ADGRG4: variants seen among roughly 807,000 people sequenced by gnomAD.
The protein encoded by ADGRG4 is adhesion G protein-coupled receptor G4, also known as G protein-coupled receptor 112.
A neutral mutation model predicts 126.2 loss-of-function variants in ADGRG4; 122 were observed. The observed-to-expected ratio is 0.97, with a 90% CI of 0.83 to 1.12. The LOEUF is 1.12. Among genes scored for constraint, ADGRG4 ranks in the 50% most tolerant of loss-of-function variants. ADGRG4 has a pLI of 0.00. For missense variants in ADGRG4, 2,481 were observed against 2,251.8 expected (o/e 1.10, Z -2.06); for synonymous variants, 943 against 838.7 (o/e 1.12, Z -2.15).
At chrX:136,353,456 C>G in intron 8 of ADGRG4, 55 bp downstream of exon 8, 13 of 791,158 alleles carry the variant, frequency 1.6e-5, no homozygotes, top group Non-Finnish European at 2.3e-5. Context: ...CATTTTGGGT[C>G]TGTTCCTATC....
At chrX:136,304,445 T>C (rs190500824) in intron 2 of ADGRG4, among the ~76,000 whole-genome samples, 237 of 112,496 alleles carry the variant, frequency 2.1e-3, no homozygotes, top group Non-Finnish European at 3.6e-3. Flanking sequence ...GAAGCAACTA[T>C]TCTTACCAGG....
chrX:136,413,746 GT>G (rs1361897301), intron 24 of ADGRG4, among the ~76,000 whole-genome samples: 25 of 20,326 alleles, frequency 1.2e-3, no homozygotes, highest in African/African-American at 6.3e-3. Context: ...TTTTGTTTTT[GT>G]TTTTTTTTTT....
chrX:136,371,441 G>T lies in ADGRG4; in HGVS notation c.7510G>T (p.Asp2504Tyr). The T allele has an allele frequency of 8.4e-7, 1 of 1,189,507 alleles. No individual in the cohort carries two copies. ...VSKISDISQC[D>Y]EISMNLTHVM... The stretch of plus-strand genomic sequence containing the variant: ...TAAAATATCAGATATTTCACAATGT[G>T]ATGAGATAAGTATGAACCTAACTCA... Residue 2504 changes from aspartate to tyrosine, a missense_variant, in exon 14 of 26, where the codon GAT becomes TAT. Transcript: ENST00000394143.
rs761730115 is a variant in ADGRG4, at chrX:136,371,453, A to G, written c.7522A>G (p.Met2508Val). 2.5e-6 allele frequency: 3 copies of G among 1,193,213 alleles called. No individual in the cohort carries two copies. The South Asian group carries it at 5.5e-5, about 22-fold the overall frequency. Residue 2508 changes from methionine to valine, a missense_variant, in exon 14 of 26, where the codon ATG becomes GTG. Physicochemically the swap from Met to Val is conservative, Grantham distance 21 (BLOSUM62 1). Transcript: ENST00000394143. ...SDISQCDEIS[M>V]NLTHVMLQII... The stretch of plus-strand genomic sequence containing the variant: ...TATTTCACAATGTGATGAGATAAGT[A>G]TGAACCTAACTCATGTTATGTTACA...
intron 5 of ADGRG4, among the ~76,000 whole-genome samples, chrX:136,334,106 TTC>T (rs376402226): frequency 1.0e-3 from 37 of 36,926 alleles, no homozygotes; most frequent in African/African-American, 1.3e-3. Flanking sequence ...CTTTCTTTCT[TTC>T]TTTCTTTCTT....
intron 15 of ADGRG4, among the ~76,000 whole-genome samples, chrX:136,383,814 CTTT>C (rs2075276180): frequency 4.9e-5 from 1 of 20,500 alleles, no homozygotes; most frequent in Non-Finnish European, 8.9e-5. Context: ...ATATATTTGC[CTTT>C]CTTTCTTTCT....
intron 11 of ADGRG4, among the ~76,000 whole-genome samples, chrX:136,360,381 G>A (rs922660226): frequency 2.7e-5 from 3 of 110,964 alleles, no homozygotes; most frequent in African/African-American, 9.8e-5. Flanking sequence ...ATCTCCCTTC[G>A]TGTGACAGCA....
At position 136,346,245 on chromosome X, in the gene ADGRG4, C is replaced by T. The variant is rs1216127515; in HGVS notation, c.2539C>T (p.His847Tyr). 9.9e-6 allele frequency: 12 copies of T among 1,208,322 alleles called. No individual in the cohort carries two copies. Among genetic ancestry groups the T allele is most frequent in the Non-Finnish European group, 1.3e-5 (12 of 894,123 alleles). The part of the protein sequence containing the change: ...ATVTRKEATS[H>Y]YLMRKSTIAA... ...TGTGACAAGAAAAGAAGCAACTTCC[C>T]ATTATCTTATGAGAAAATCAACTAT... is the stretch of plus-strand genomic sequence containing the variant. The change falls in exon 6 of 26, where the codon CAT (histidine) becomes TAT (tyrosine). Residue 847 changes from histidine (H) to tyrosine (Y), a missense_variant. His to Tyr is a moderately conservative substitution (Grantham distance 83). Coordinates refer to ENST00000394143, the MANE Select transcript of ADGRG4 (RefSeq NM_153834.4).
At position 136,348,928 on chromosome X, in the gene ADGRG4, A is replaced by G; in HGVS notation, c.5222A>G (p.Tyr1741Cys). Reference protein sequence around the residue: ...SGTGVALTDTYSRITVPENML... With the variant: ...SGTGVALTDTCSRITVPENML... ...ACAGGGGTAGCTCTCACAGATACTT[A>G]TTCCAGAATCACTGTTCCTGAAAAT... Residue 1741 changes from tyrosine (Y) to cysteine (C), a missense_variant, in exon 6 of 26, where the codon TAT (tyrosine) becomes TGT (cysteine). Transcript: ENST00000394143. The G allele has an allele frequency of 8.3e-7, 1 of 1,207,145 alleles. No homozygotes were observed. Among genetic ancestry groups the G allele is most frequent in the Non-Finnish European group, 1.1e-6 (1 of 892,073 alleles).
At position 136,416,551 on chromosome X, in the gene ADGRG4, A is replaced by T; in HGVS notation, c.*60A>T. Reference sequence around the variant, plus strand: ...ATAATACCTGTGGAAATAAAAATGAATTCCAAGTGTATACTTGCTCGGGTG... The same window carrying T: ...ATAATACCTGTGGAAATAAAAATGATTTCCAAGTGTATACTTGCTCGGGTG... On this transcript the variant is annotated 3_prime_UTR_variant, in exon 26 of 26. Coordinates refer to ENST00000394143, the MANE Select transcript of ADGRG4 (RefSeq NM_153834.4). 1.1e-6 allele frequency: 1 copy of T among 949,787 alleles called. No homozygotes were observed. Among genetic ancestry groups the T allele is most frequent in the Non-Finnish European group, 1.5e-6 (1 of 667,188 alleles). 78.3% of individuals were successfully genotyped at this position (949,787 alleles called of 1,213,427 possible). A position where few individuals can be genotyped will look rare whatever the true frequency, so the allele number is the denominator to read the frequency against.
intron 15 of ADGRG4, among the ~76,000 whole-genome samples, chrX:136,380,706 CTTCTTCTTCTTT>C (rs1469699604): frequency 7.4e-4 from 74 of 99,645 alleles, no homozygotes; most frequent in African/African-American, 2.3e-3. Context: ...TCTCCTTCTC[CTTCTTCTTCTTT>C]TTCTTCTTCT....
chrX:136,414,033 G>T (rs868508012), intron 24 of ADGRG4, 127 bp from the exon 25 acceptor site: 34 of 556,301 alleles, frequency 6.1e-5, no homozygotes, highest in South Asian at 5.7e-4. Flanking sequence ...GAGCCACTGC[G>T]CCTGGCCTAA....
intron 5 of ADGRG4, 88 bp downstream of exon 5, chrX:136,323,480 G>T (rs2148451523): frequency 1.2e-6 from 1 of 827,374 alleles, no homozygotes; most frequent in East Asian, 3.2e-5. Flanking sequence ...TGCTAGTTTT[G>T]TCATCACTTT....
intron 5 of ADGRG4, among the ~76,000 whole-genome samples, chrX:136,328,337 C>T (rs1171017048): frequency 9.0e-6 from 1 of 111,696 alleles, no homozygotes; most frequent in Non-Finnish European, 1.9e-5. Flanking sequence ...CTTGAAGCAA[C>T]CGTAAAGAAA....
At chrX:136,383,125 C>A (rs2075272549) in intron 15 of ADGRG4, among the ~76,000 whole-genome samples, 1 of 110,657 alleles carries the variant, frequency 9.0e-6, no homozygotes, top group Non-Finnish European at 1.9e-5. Flanking sequence ...ACATGGACTT[C>A]AAAAAAAATG....
At chrX:136,388,657 A>G (rs1232973027) in intron 16 of ADGRG4, among the ~76,000 whole-genome samples, 1 of 112,174 alleles carries the variant, frequency 8.9e-6, no homozygotes, top group Non-Finnish European at 1.9e-5. Context: ...TCTCTGCCTA[A>G]CAAAAGCCTC....
At chrX:136,392,098 C>A in intron 16 of ADGRG4, 134 bp from the exon 17 acceptor site, 1 of 477,707 alleles carries the variant, frequency 2.1e-6, no homozygotes, top group Non-Finnish European at 3.3e-6. Flanking sequence ...TAACCTTTGA[C>A]CTTAGCTTGC....
chrX:136,308,965 CT>C (rs2074751500), intron 4 of ADGRG4, 118 bp downstream of exon 4: 1 of 470,906 alleles, frequency 2.1e-6, no homozygotes, highest in Non-Finnish European at 3.7e-6. Flanking sequence ...TAATGGTCAC[CT>C]TTTGGTCAAT....
chrX:136,333,166 T>C (rs1368239157), intron 5 of ADGRG4, among the ~76,000 whole-genome samples: 2 of 111,549 alleles, frequency 1.8e-5, no homozygotes, highest in Admixed American at 1.9e-4. Context: ...ATCCCTTCCT[T>C]ACACCTTATA....
Sources: gnomAD v4.1 joint callset for allele counts (sites outside exome capture counted in the v4.1 genomes callset) on GRCh38, gnomAD v4.1.1 for gene constraint, MANE v1.5 for transcripts, NCBI Gene and HGNC (gene_info 2026-07-23, HGNC 2026-07-21) for gene names.